The following CEMIP2 variants were observed in gnomAD, a reference collection of about 807,000 sequenced individuals.
CEMIP2 encodes the protein cell surface hyaluronidase CEMIP2.
A neutral mutation model predicts 146.9 loss-of-function variants in CEMIP2; 79 were observed. The ratio of observed to expected loss-of-function variants is 0.54; its 90% CI spans 0.45 to 0.65. The LOEUF (loss-of-function observed/expected upper bound fraction) is 0.65. Among genes scored for constraint, CEMIP2 ranks in the 30% least tolerant of loss-of-function variants. CEMIP2 has a pLI of 0.00. For synonymous variants in CEMIP2, 601 were observed against 606.3 expected, an observed-to-expected ratio of 0.99 and a Z score of 0.13; for missense variants, 1,596 against 1,696.2, an observed-to-expected ratio of 0.94 and a Z score of 1.04.
chr9:71,756,523 C>CACACACAT (rs1554689421), intron 1 of CEMIP2, among the ~76,000 whole-genome samples: 3 of 151,268 alleles, frequency 2.0e-5, no homozygotes, highest in African/African-American at 7.3e-5. Flanking sequence ...CACACACACA[C>CACACACAT]ACACACACAC....
At chr9:71,715,236 GCTTTTTTT>G (rs1823014479) in intron 14 of CEMIP2, 147 bp from the exon 15 acceptor site, 63 of 379,166 alleles carry the variant, frequency 1.7e-4, no homozygotes, top group Non-Finnish European at 2.2e-4. Flanking sequence ...TTCAGAAACT[GCTTTTTTT>G]TTTTTTTTTT....
Position 71,731,916 on chromosome 9 carries a change from T to A in CEMIP2, c.1563+435A>T, listed in dbSNP as rs61246168. ...GCTCAAAATTTTTCCAGAACAAAAA[T>A]TTGCATACAAAAAATATTTTTATAG... On this transcript the variant is annotated intron_variant, in intron 7 of 23. Coordinates refer to ENST00000377044, the MANE Select transcript of CEMIP2 (RefSeq NM_013390.3). Among the ~76,000 whole-genome samples the A allele has an allele frequency of 2.0e-3, 303 of 152,256 alleles. 2 individuals are homozygous for A. The highest frequency in any genetic ancestry group is 6.7e-3 in the African/African-American group (280 of 41,540).
chr9:71,748,539 A>G (rs1452338343), intron 2 of CEMIP2, among the ~76,000 whole-genome samples: 1 of 152,246 alleles, frequency 6.6e-6, no homozygotes, highest in Non-Finnish European at 1.5e-5. Flanking sequence ...AATCAAAGCC[A>G]TAGACTTCAG....
chr9:71,729,467 A>G lies in CEMIP2; in HGVS notation c.2049+378T>C, dbSNP rs576498664. Among the ~76,000 whole-genome samples, 675 of 152,052 alleles carry G rather than the reference A, an allele frequency of 4.4e-3. 2 individuals carry two copies. Among genetic ancestry groups the G allele is most frequent in the Non-Finnish European group, 5.0e-3 (342 of 67,986 alleles). ...ACCCCGTCTCTACTAAAAATACAGA[A>G]AATTAGCTGGGCGTGGTAGCAGGCG... On this transcript the variant is annotated intron_variant, in intron 10 of 23. Transcript: ENST00000377044.
chr9:71,701,765 C>G (rs770139281), intron 18 of CEMIP2, among the ~76,000 whole-genome samples: 40 of 152,124 alleles, frequency 2.6e-4, no homozygotes, highest in Non-Finnish European at 4.4e-4. Context: ...AACATTTCCA[C>G]TTTTTATCAT....
intron 21 of CEMIP2, among the ~76,000 whole-genome samples, chr9:71,692,136 C>T (rs1184176607): frequency 6.7e-6 from 1 of 150,162 alleles, no homozygotes; most frequent in African/African-American, 2.4e-5. Flanking sequence ...AAAAAACAAC[C>T]AAAAACCCCT....
chr9:71,759,830 G>GC (rs1287435356), intron 1 of CEMIP2, among the ~76,000 whole-genome samples: 1 of 127,992 alleles, frequency 7.8e-6, no homozygotes, highest in African/African-American at 2.9e-5. Flanking sequence ...CGGGGAGGTG[G>GC]GGGGGGGATG....
At chr9:71,760,177 A>C (rs545239320) in intron 1 of CEMIP2, among the ~76,000 whole-genome samples, 1 of 152,352 alleles carries the variant, frequency 6.6e-6, no homozygotes, top group African/African-American at 2.4e-5. Context: ...CTCTGGAAAA[A>C]CAAAAATTAA....
intron 19 of CEMIP2, among the ~76,000 whole-genome samples, chr9:71,700,218 C>T (rs563281168): frequency 6.6e-6 from 1 of 152,268 alleles, no homozygotes; most frequent in South Asian, 2.1e-4. Context: ...GCAAATATTC[C>T]ACAGTTACAC....
rs1198398515 is a variant in CEMIP2 at position 71,730,965 on chromosome 9, T to A, written c.1564-51A>T. The A allele has an allele frequency of 6.9e-6, 10 of 1,444,046 alleles. No individual in the cohort carries two copies. In the Admixed American group the frequency reaches 8.6e-5, roughly 12 times the overall value. The allele number at this position is 1,444,046 out of a possible 1,614,324, so 89.5% of individuals were successfully genotyped here. A position where few individuals can be genotyped will look rare whatever the true frequency, so the allele number is the denominator to read the frequency against. The stretch of plus-strand genomic sequence containing the variant: ...ACTCATACTTTTCAGAATAGGGAAG[T>A]AGCAAAAAATATTGTTCTAGTAGAA... On this transcript the variant is annotated intron_variant, in intron 7 of 23. Transcript: ENST00000377044.
intron 4 of CEMIP2, among the ~76,000 whole-genome samples, chr9:71,743,036 G>C (rs2132000512): frequency 6.6e-6 from 1 of 152,100 alleles, no homozygotes; most frequent in East Asian, 1.9e-4. Context: ...CTGGTCAATA[G>C]AGTGAGACCC....
chr9:71,761,760 G>C (rs1340274924), intron 1 of CEMIP2, among the ~76,000 whole-genome samples: 1 of 152,126 alleles, frequency 6.6e-6, no homozygotes, highest in Non-Finnish European at 1.5e-5. Flanking sequence ...CCAGCATTTG[G>C]GGGTAGAAAG....
chr9:71,714,290 G>A (rs528360784), intron 15 of CEMIP2, among the ~76,000 whole-genome samples: 2 of 152,320 alleles, frequency 1.3e-5, no homozygotes, highest in East Asian at 3.9e-4. Context: ...CTGTGCCTCA[G>A]AACTGAGATA....
At chr9:71,726,154 T>A (rs13295675) in intron 10 of CEMIP2, among the ~76,000 whole-genome samples, 17,742 of 152,172 alleles carry the variant, frequency 0.12, 1,248 homozygotes, top group East Asian at 0.16. Context: ...GATCACTGAC[T>A]TCTTTCAAAC....
intron 15 of CEMIP2, among the ~76,000 whole-genome samples, chr9:71,712,843 T>A (rs1822948065): frequency 6.6e-6 from 1 of 152,196 alleles, no homozygotes; most frequent in Admixed American, 6.5e-5. Context: ...ACAAACTCCT[T>A]AGCCTACTAA....
Position 71,725,633 on chromosome 9 carries a change from T to A in CEMIP2, c.2126A>T (p.Glu709Val). The change falls in exon 11 of 24, where the codon GAA (glutamate) becomes GTA (valine). Residue 709 changes from glutamate (E) to valine (V), a missense_variant. Coordinates refer to ENST00000377044, the MANE Select transcript of CEMIP2 (RefSeq NM_013390.3). ...SSGLQLLAKP[E>V]LTPLGIFYNN... Reference sequence around the variant, plus strand: ...ATAAAATATACCCAATGGAGTGAGTTCTGGTTTTGCCAAGAGCTGCAATCC... The same window carrying A: ...ATAAAATATACCCAATGGAGTGAGTACTGGTTTTGCCAAGAGCTGCAATCC... 1.2e-6 allele frequency: 2 copies of A among 1,614,060 alleles called. No individual in the cohort carries two copies. Among genetic ancestry groups the A allele is most frequent in the Admixed American group, 3.3e-5 (2 of 60,030 alleles).
intron 17 of CEMIP2, among the ~76,000 whole-genome samples, chr9:71,706,014 C>A (rs71505950): frequency 6.6e-6 from 1 of 151,570 alleles, no homozygotes; most frequent in African/African-American, 2.4e-5. Context: ...AGATCCCTGG[C>A]GGTCAGGAGT....
intron 2 of CEMIP2, among the ~76,000 whole-genome samples, chr9:71,748,540 T>C (rs1393565595): frequency 1.3e-5 from 2 of 152,192 alleles, no homozygotes; most frequent in African/African-American, 4.8e-5. Context: ...ATCAAAGCCA[T>C]AGACTTCAGC....
chr9:71,728,628 CTCA>C (rs1425169358), intron 10 of CEMIP2, among the ~76,000 whole-genome samples: 1 of 151,876 alleles, frequency 6.6e-6, no homozygotes, highest in Non-Finnish European at 1.5e-5. Context: ...AAAAATTATT[CTCA>C]TGTGTGTTTT....
Sources: gnomAD v4.1 joint callset for allele counts (sites outside exome capture counted in the v4.1 genomes callset) on GRCh38, gnomAD v4.1.1 for gene constraint, MANE v1.5 for transcripts, NCBI Gene and HGNC (gene_info 2026-07-23, HGNC 2026-07-21) for gene names.